ANO4: variants seen among roughly 807,000 people sequenced by gnomAD.
ANO4 encodes the protein anoctamin 4, also known as anoctamin-4.
Under a neutral mutation model 141.9 loss-of-function variants are expected in ANO4, and 69 were observed. The observed-to-expected ratio is 0.49, with a 90% CI of 0.40 to 0.59. ANO4 has a LOEUF of 0.59. ANO4 is among the 20% of genes least tolerant of loss of function. ANO4 has a pLI of 0.00. For missense variants in ANO4, 894 were observed against 1,162.2 expected, an observed-to-expected ratio of 0.77 and a Z score of 3.36; for synonymous variants, 350 against 394.3, an observed-to-expected ratio of 0.89 and a Z score of 1.33.
intron 5 of ANO4, among the ~76,000 whole-genome samples, chr12:100,969,483 A>G (rs1411815647): frequency 5.9e-5 from 9 of 152,224 alleles, no homozygotes; most frequent in East Asian, 3.8e-4. Flanking sequence ...TTTGATTTTC[A>G]TAATATCTTG....
intron 24 of ANO4, among the ~76,000 whole-genome samples, chr12:101,112,528 G>A (rs1421967544): frequency 6.6e-6 from 1 of 152,180 alleles, no homozygotes; most frequent in African/African-American, 2.4e-5. Context: ...AGTGAGGTGT[G>A]TTTGGGGATC....
chr12:100,745,542 A>C (rs751524748), intron 3 of ANO4, among the ~76,000 whole-genome samples: 2 of 152,206 alleles, frequency 1.3e-5, no homozygotes, highest in Admixed American at 6.5e-5. Context: ...TTGAAACTGC[A>C]TATTAGACAC....
intron 22 of ANO4, among the ~76,000 whole-genome samples, chr12:101,105,274 ACC>A (rs576726801): frequency 1.0e-3 from 154 of 152,302 alleles, no homozygotes; most frequent in African/African-American, 3.7e-3. Flanking sequence ...GCCTAACATC[ACC>A]AGGAGGAATT....
rs2137093615 is a variant in ANO4 at position 101,128,610 on chromosome 12, A to G, written c.*754A>G. 1.3e-5 allele frequency: 2 copies of G among 152,808 alleles called. No homozygotes were observed. The highest frequency in any genetic ancestry group is 6.8e-3 in the Middle Eastern group (2 of 294). The allele number at this position is 152,808 out of a possible 1,614,324, so 9.5% of individuals were successfully genotyped here. ...ATAATGTGATGCAATAAAATTTAAA[A>G]TAAATTTCTGCACATGGAATATTTT... On this transcript the variant is annotated 3_prime_UTR_variant, in exon 28 of 28. Coordinates refer to ENST00000392977, the MANE Select transcript of ANO4 (RefSeq NM_001286615.2).
chr12:100,949,776 A>G (rs4764774), intron 5 of ANO4, among the ~76,000 whole-genome samples: 2 of 152,212 alleles, frequency 1.3e-5, no homozygotes, highest in African/African-American at 4.8e-5. Context: ...TAGCATGATC[A>G]AGGTTCAGAT....
intron 2 of ANO4, among the ~76,000 whole-genome samples, chr12:100,919,414 G>A (rs981625448): frequency 8.6e-5 from 13 of 151,952 alleles, no homozygotes; most frequent in African/African-American, 2.9e-4. Context: ...GATTTTTACT[G>A]TACCCTTTCT....
At position 101,099,569 on chromosome 12, in the gene ANO4, T is replaced by G. The variant is rs879590147; in HGVS notation, c.2007-9T>G. On this transcript the variant is annotated splice_polypyrimidine_tract_variant and intron_variant, in intron 21 of 27. Coordinates refer to ENST00000392977, the MANE Select transcript of ANO4 (RefSeq NM_001286615.2). ...ACATTTTTTGTAAGAAATTGATCTT[T>G]TTGCCCAGGTTAATTCAGAATTGGT... The G allele has an allele frequency of 1.9e-6, 3 of 1,584,422 alleles. No homozygotes were observed. Among genetic ancestry groups the G allele is most frequent in the Non-Finnish European group, 2.6e-6 (3 of 1,171,598 alleles).
At chr12:100,749,881 TA>T (rs1206398903) in intron 3 of ANO4, among the ~76,000 whole-genome samples, 1 of 152,192 alleles carries the variant, frequency 6.6e-6, no homozygotes, top group Non-Finnish European at 1.5e-5. Flanking sequence ...CCAAAAGGGA[TA>T]ATGCGAGGGA....
At chr12:101,108,740 A>G (rs544589553) in intron 22 of ANO4, among the ~76,000 whole-genome samples, 3 of 152,236 alleles carry the variant, frequency 2.0e-5, no homozygotes, top group Non-Finnish European at 4.4e-5. Context: ...TTTATTTTCC[A>G]TTATGATGAC....
intron 1 of ANO4, among the ~76,000 whole-genome samples, chr12:100,820,723 A>G (rs1206675665): frequency 6.6e-6 from 1 of 152,020 alleles, no homozygotes; most frequent in Non-Finnish European, 1.5e-5. Context: ...AGTGGGTTTC[A>G]CCCCAAAGTG....
chr12:101,081,650 C>G (rs888269635), intron 15 of ANO4, among the ~76,000 whole-genome samples: 30 of 152,294 alleles, frequency 2.0e-4, no homozygotes, highest in African/African-American at 7.0e-4. Context: ...TCAGGGCTGC[C>G]ATAACAAAGT....
chr12:100,991,201 G>C (rs537902306), intron 8 of ANO4, among the ~76,000 whole-genome samples: 3 of 152,274 alleles, frequency 2.0e-5, no homozygotes, highest in Admixed American at 2.0e-4. Flanking sequence ...CATCCCTCGG[G>C]TGTATAAAAG....
At chr12:100,743,795 C>T (rs1377477726) in intron 3 of ANO4, among the ~76,000 whole-genome samples, 1 of 152,048 alleles carries the variant, frequency 6.6e-6, no homozygotes, top group Non-Finnish European at 1.5e-5. Flanking sequence ...GTTTGTTATA[C>T]AAATTATTTA....
Position 100,975,675 on chromosome 12 carries a change from A to G in ANO4, c.602+786A>G, listed in dbSNP as rs543650650. 2.0e-5 allele frequency among the ~76,000 whole-genome samples: 3 copies of G among 152,008 alleles called. No individual in the cohort carries two copies. The South Asian group carries it at 6.2e-4, about 32-fold the overall frequency. ...AGGCTAGTCTCGAACTCCTGACCTC[A>G]GGCGATCCGCCCACCTCGGCCTCCC... is the stretch of plus-strand genomic sequence containing the variant. On this transcript the variant is annotated intron_variant, in intron 7 of 27. Transcript: ENST00000392977.
chr12:100,965,352 G>A (rs10778087), intron 5 of ANO4, among the ~76,000 whole-genome samples: 30,049 of 151,542 alleles, frequency 0.2, 3,105 homozygotes, highest in Middle Eastern at 0.33. Context: ...TTTCGTTCTG[G>A]TTCTAACCAC....
In ANO4 at chr12:100,917,245, CTTTAA is replaced by C. The variant is rs776168859; in HGVS notation, c.56-4976_56-4972del. Among the ~76,000 whole-genome samples the C allele has an allele frequency of 4.6e-5, 7 of 152,198 alleles. No individual in the cohort carries two copies. In the East Asian group the frequency reaches 7.7e-4, roughly 17 times the overall value. On this transcript the variant is annotated intron_variant, in intron 2 of 27. Transcript: ENST00000392977. Reference sequence around the variant, plus strand: ...ATTTAGGGATCTTCTTAGCTTCCCTCTTTAATTTATTTGTTTAGTTTCCTTAGGAT... The same window carrying C: ...ATTTAGGGATCTTCTTAGCTTCCCTCTTTATTTGTTTAGTTTCCTTAGGAT...
intron 3 of ANO4, among the ~76,000 whole-genome samples, chr12:100,748,092 G>A (rs1369941763): frequency 3.9e-5 from 6 of 152,028 alleles, no homozygotes; most frequent in East Asian, 1.9e-4. Flanking sequence ...TGACCTTACC[G>A]AGCTTACTGG....
intron 5 of ANO4, among the ~76,000 whole-genome samples, chr12:100,961,211 A>G (rs1045266470): frequency 6.6e-6 from 1 of 152,228 alleles, no homozygotes; most frequent in Non-Finnish European, 1.5e-5. Context: ...GTGTTTGCTG[A>G]ATGATTTTAT....
chr12:101,069,778 T>C (rs1183733492), intron 14 of ANO4, among the ~76,000 whole-genome samples: 5 of 152,120 alleles, frequency 3.3e-5, no homozygotes, highest in Non-Finnish European at 7.4e-5. Flanking sequence ...TGGCACCTCC[T>C]TTTTTTAAAT....
Sources: gnomAD v4.1 joint callset for allele counts (sites outside exome capture counted in the v4.1 genomes callset) on GRCh38, gnomAD v4.1.1 for gene constraint, MANE v1.5 for transcripts, NCBI Gene and HGNC (gene_info 2026-07-23, HGNC 2026-07-21) for gene names.